Variants in HINT3 observed in about 807,000 individuals in gnomAD.
HINT3 encodes the protein histidine triad nucleotide binding protein 3, also known as adenosine 5'-monophosphoramidase HINT3.
Under a neutral mutation model 19.1 loss-of-function variants are expected in HINT3, and 16 were observed. The ratio of observed to expected loss-of-function variants is 0.84; its 90% CI spans 0.57 to 1.27. The LOEUF (loss-of-function observed/expected upper bound fraction) is 1.27, where lower values mean the gene tolerates loss of function less well. Ranked by LOEUF, HINT3 falls within the 50% of genes most tolerant of loss-of-function variation. HINT3 has a pLI of 0.00. For synonymous variants in HINT3, 75 were observed against 84.8 expected (o/e 0.88, Z 0.63); for missense variants, 197 against 225.8 (o/e 0.87, Z 0.82).
intron 2 of HINT3, among the ~76,000 whole-genome samples, chr6:125,967,739 C>T (rs1490855095): frequency 6.6e-6 from 1 of 152,112 alleles, no homozygotes; most frequent in Admixed American, 6.6e-5. Context: ...CTCATATTGC[C>T]TTATGGTGAG....
rs762070247 is a variant in HINT3 at position 125,957,200 on chromosome 6, G to A, written c.201+22G>A. On this transcript the variant is annotated intron_variant, in intron 1 of 4. Coordinates refer to ENST00000229633, the MANE Select transcript of HINT3 (RefSeq NM_138571.5). ...CGAGGTGGGCGGCGACGCGCGGCCGGGGGTGGGTGAGGACCTGGCCGCCCC... is the reference window on the plus strand; with the variant it reads ...CGAGGTGGGCGGCGACGCGCGGCCGAGGGTGGGTGAGGACCTGGCCGCCCC... The A allele has an allele frequency of 2.1e-5, 33 of 1,537,676 alleles. 1 individual carries two copies. The South Asian group carries it at 2.9e-4, about 13-fold the overall frequency.
chr6:125,972,758 TA>T (rs963174797), intron 3 of HINT3, among the ~76,000 whole-genome samples: 10 of 152,084 alleles, frequency 6.6e-5, no homozygotes, highest in African/African-American at 2.2e-4. Context: ...CGGCTAATTT[TA>T]AAATTTTTTA....
At chr6:125,964,553 A>G (rs1788990154) in intron 1 of HINT3, among the ~76,000 whole-genome samples, 2 of 152,134 alleles carry the variant, frequency 1.3e-5, no homozygotes, top group Non-Finnish European at 1.5e-5. Context: ...AAAAACTTGA[A>G]TATATCTTAG....
In HINT3 at chr6:125,972,932, T is replaced by C. The variant is rs180729864; in HGVS notation, c.389+604T>C. ...TTCAATATGGGCATTCCTATAAAAC[T>C]GTATGCAAGTTGAATTTTCTTAGAA... is the stretch of plus-strand genomic sequence containing the variant. On this transcript the variant is annotated intron_variant, in intron 3 of 4. Transcript: ENST00000229633. 3.2e-4 allele frequency among the ~76,000 whole-genome samples: 49 copies of C among 152,210 alleles called. No individual in the cohort carries two copies. The East Asian group carries it at 7.5e-3, about 23-fold the overall frequency.
chr6:125,974,577 C>T (rs1583591954), intron 3 of HINT3, among the ~76,000 whole-genome samples: 1 of 152,282 alleles, frequency 6.6e-6, no homozygotes, highest in East Asian at 1.9e-4. Flanking sequence ...ATTATGCCAA[C>T]TCAGAATTCA....
At chr6:125,968,341 C>A (rs915931138) in intron 2 of HINT3, among the ~76,000 whole-genome samples, 7 of 152,164 alleles carry the variant, frequency 4.6e-5, no homozygotes, top group South Asian at 2.1e-4. Flanking sequence ...AAGGAGATGA[C>A]TTCATTCTTT....
intron 3 of HINT3, 51 bp from the exon 4 acceptor site, chr6:125,974,796 G>A: frequency 1.3e-6 from 2 of 1,579,856 alleles, no homozygotes; most frequent in Admixed American, 1.8e-5. Context: ...CCTGAAAAAT[G>A]ACTTTATTTT....
At chr6:125,967,144 A>T in intron 2 of HINT3, 140 bp downstream of exon 2, 1 of 533,198 alleles carries the variant, frequency 1.9e-6, no homozygotes, top group Non-Finnish European at 3.3e-6. Flanking sequence ...CACTATAAAG[A>T]ATTTTAAATT....
chr6:125,963,357 C>T (rs1310463196), intron 1 of HINT3, among the ~76,000 whole-genome samples: 1 of 152,136 alleles, frequency 6.6e-6, no homozygotes, highest in Non-Finnish European at 1.5e-5. Context: ...ATAACAGAAG[C>T]AGCAAAAACA....
chr6:125,977,752 G>T lies in HINT3; in HGVS notation c.*76G>T. 1 of 793,820 alleles carries T rather than the reference G, an allele frequency of 1.3e-6. No individual in the cohort carries two copies. Among genetic ancestry groups the T allele is most frequent in the South Asian group, 2.2e-5 (1 of 46,424 alleles). The allele number at this position is 793,820 out of a possible 1,614,324, so 49.2% of individuals were successfully genotyped here. A position where few individuals can be genotyped will look rare whatever the true frequency, so the allele number is the denominator to read the frequency against. On this transcript the variant is annotated 3_prime_UTR_variant, in exon 5 of 5. Coordinates refer to ENST00000229633, the MANE Select transcript of HINT3 (RefSeq NM_138571.5). ...ATTTAGGTCCCTTTTAAGTCTAATT[G>T]CAATTTTAAGATTTGTTGGGTTTTA...
At chr6:125,973,692 G>A (rs913045979) in intron 3 of HINT3, among the ~76,000 whole-genome samples, 6 of 152,178 alleles carry the variant, frequency 3.9e-5, no homozygotes, top group African/African-American at 1.4e-4. Context: ...ATAATGACAA[G>A]GAACAAATGG....
At chr6:125,972,984 G>A (rs1417009260) in intron 3 of HINT3, among the ~76,000 whole-genome samples, 1 of 147,432 alleles carries the variant, frequency 6.8e-6, no homozygotes, top group African/African-American at 2.5e-5. Flanking sequence ...AAAAACACAT[G>A]ATTATAATTC....
At chr6:125,974,727 T>C (rs1008561405) in intron 3 of HINT3, 120 bp from the exon 4 acceptor site, 2 of 901,560 alleles carry the variant, frequency 2.2e-6, no homozygotes, top group Admixed American at 2.3e-5. Context: ...ATGAGATTTG[T>C]GACAGTCTAT....
At chr6:125,960,261 C>T (rs536180985) in intron 1 of HINT3, among the ~76,000 whole-genome samples, 1 of 152,170 alleles carries the variant, frequency 6.6e-6, no homozygotes, top group African/African-American at 2.4e-5. Flanking sequence ...TTCCCACTTT[C>T]CAGCAGCAGC....
At chr6:125,961,785 TG>T (rs1788930854) in intron 1 of HINT3, among the ~76,000 whole-genome samples, 1 of 152,092 alleles carries the variant, frequency 6.6e-6, no homozygotes, top group South Asian at 2.1e-4. Flanking sequence ...TAGGCCTGAC[TG>T]ACAATTCTGT....
intron 1 of HINT3, among the ~76,000 whole-genome samples, chr6:125,957,737 GTTGGGATGCGTGGACA>G (rs1262706863): frequency 6.6e-6 from 1 of 152,176 alleles, no homozygotes; most frequent in African/African-American, 2.4e-5. Context: ...TCCACTGTCA[GTTGGGATGCGTGGACA>G]TTTTCAGAGC....
At chr6:125,960,987 T>C (rs539199011) in intron 1 of HINT3, among the ~76,000 whole-genome samples, 17 of 152,290 alleles carry the variant, frequency 1.1e-4, no homozygotes, top group African/African-American at 3.4e-4. Context: ...ATGAAACTAA[T>C]AGAAAATAGA....
intron 4 of HINT3, among the ~76,000 whole-genome samples, chr6:125,976,698 A>G (rs1883868): frequency 0.72 from 108,606 of 151,800 alleles, 39,418 homozygotes; most frequent in East Asian, 0.95. Context: ...CATCTTATAA[A>G]ATATGTTGTT....
intron 1 of HINT3, 125 bp from the exon 2 acceptor site, chr6:125,966,762 T>C (rs950120228): frequency 1.8e-6 from 1 of 555,200 alleles, no homozygotes; most frequent in African/African-American, 1.9e-5. Flanking sequence ...AATTGCCCAG[T>C]GGGGGTTAGG....
Sources: allele counts gnomAD v4.1 joint callset (sites outside exome capture counted in the v4.1 genomes callset), GRCh38; gene constraint gnomAD v4.1.1; transcripts MANE v1.5; gene names NCBI Gene and HGNC (gene_info 2026-07-23, HGNC 2026-07-21).